ANKS1B: variants seen among roughly 807,000 people sequenced by gnomAD.
ANKS1B encodes the protein ankyrin repeat and sterile alpha motif domain containing 1B.
In ANKS1B, 36 loss-of-function variants were observed where a neutral mutation model predicts 148.3. The ratio of observed to expected loss-of-function variants is 0.24; its 90% confidence interval spans 0.19 to 0.32. The LOEUF (loss-of-function observed/expected upper bound fraction) is 0.32, where lower values mean the gene tolerates loss of function less well. Ranked by LOEUF, ANKS1B falls within the 10% of genes least tolerant of loss-of-function variation. The pLI, the probability that ANKS1B is intolerant of heterozygous loss-of-function variation, is 1.00. For synonymous variants in ANKS1B, 542 were observed against 560.8 expected (o/e 0.97, Z 0.47); for missense variants, 1,157 against 1,542.6 (o/e 0.75, Z 4.19).
chr12:99,318,702 C>T (rs879152637), intron 12 of ANKS1B, among the ~76,000 whole-genome samples: 3 of 151,172 alleles, frequency 2.0e-5, no homozygotes, highest in African/African-American at 4.9e-5. Context: ...TTATTTCTTG[C>T]CTTCTGCTAG....
At chr12:98,894,183 T>C (rs1426537765) in intron 17 of ANKS1B, among the ~76,000 whole-genome samples, 1 of 152,188 alleles carries the variant, frequency 6.6e-6, no homozygotes, top group Non-Finnish European at 1.5e-5. Flanking sequence ...CAGCTTCTAT[T>C]CTTCCTGCTA....
At chr12:99,716,069 G>A (rs1328217937) in intron 8 of ANKS1B, among the ~76,000 whole-genome samples, 2 of 152,016 alleles carry the variant, frequency 1.3e-5, no homozygotes, top group African/African-American at 4.8e-5. Flanking sequence ...CTTTTCTGGG[G>A]GAGGGGCAAA....
intron 9 of ANKS1B, among the ~76,000 whole-genome samples, chr12:99,547,536 G>C (rs2097182235): frequency 6.6e-6 from 1 of 152,068 alleles, no homozygotes; most frequent in South Asian, 2.1e-4. Flanking sequence ...TATTGTCTGG[G>C]AGCTGAATCC....
chr12:99,001,219 A>G (rs535581692), intron 17 of ANKS1B, among the ~76,000 whole-genome samples: 1 of 152,072 alleles, frequency 6.6e-6, no homozygotes, highest in South Asian at 2.1e-4. Flanking sequence ...TGCTGCCTCA[A>G]TCTCCTGGGC....
At chr12:99,188,188 C>A (rs1478222831) in intron 14 of ANKS1B, among the ~76,000 whole-genome samples, 1 of 152,178 alleles carries the variant, frequency 6.6e-6, no homozygotes, top group Admixed American at 6.5e-5. Flanking sequence ...CACCCAGATT[C>A]ATAAAGCAAG....
At position 99,433,375 on chromosome 12, in the gene ANKS1B, C is replaced by G. The variant is rs566599844; in HGVS notation, c.1575+10298G>C. On this transcript the variant is annotated intron_variant, in intron 11 of 26. Transcript: ENST00000683438. Reference sequence around the variant, plus strand: ...CTTACCATATAGCTTCTGGAAATCTCCATTTAGAACTCATGTACAAATAAA... The same window carrying G: ...CTTACCATATAGCTTCTGGAAATCTGCATTTAGAACTCATGTACAAATAAA... Among the ~76,000 whole-genome samples, 3 of 152,276 alleles carry G rather than the reference C, an allele frequency of 2.0e-5. No homozygotes were observed. The South Asian group carries it at 6.2e-4, about 32-fold the overall frequency.
intron 14 of ANKS1B, among the ~76,000 whole-genome samples, chr12:99,228,644 A>G (rs1284455608): frequency 6.6e-6 from 1 of 152,086 alleles, no homozygotes; most frequent in Non-Finnish European, 1.5e-5. Flanking sequence ...TTGAATGTGC[A>G]CATAGACGAA....
chr12:99,000,551 G>A (rs1401958078), intron 17 of ANKS1B, among the ~76,000 whole-genome samples: 1 of 152,052 alleles, frequency 6.6e-6, no homozygotes, highest in Non-Finnish European at 1.5e-5. Flanking sequence ...TTACAGGCAT[G>A]AGCCACCGTG....
At chr12:99,456,135 C>T (rs1171829224) in intron 10 of ANKS1B, among the ~76,000 whole-genome samples, 1 of 152,094 alleles carries the variant, frequency 6.6e-6, no homozygotes, top group Non-Finnish European at 1.5e-5. Context: ...CAGCCTGGAG[C>T]CCAGTAGCTC....
intron 12 of ANKS1B, among the ~76,000 whole-genome samples, chr12:99,286,308 G>A (rs1427872806): frequency 6.6e-6 from 1 of 151,928 alleles, no homozygotes; most frequent in East Asian, 1.9e-4. Flanking sequence ...TGAGCCAGAA[G>A]ATAACCTGCT....
intron 14 of ANKS1B, among the ~76,000 whole-genome samples, chr12:99,169,795 G>A (rs1159245727): frequency 6.6e-6 from 1 of 152,172 alleles, no homozygotes; most frequent in African/African-American, 2.4e-5. Context: ...ATAAGATACA[G>A]AGAAGTTATG....
At chr12:99,689,061 T>C (rs1224515228) in intron 8 of ANKS1B, among the ~76,000 whole-genome samples, 1 of 152,116 alleles carries the variant, frequency 6.6e-6, no homozygotes, top group Non-Finnish European at 1.5e-5. Context: ...GAAATTTTCT[T>C]CCCCCAATTC....
At chr12:98,842,601 T>C (rs2099413486) in intron 17 of ANKS1B, among the ~76,000 whole-genome samples, 2 of 152,186 alleles carry the variant, frequency 1.3e-5, no homozygotes, top group Admixed American at 1.3e-4. Context: ...GAAGTTGTTT[T>C]TGAAAAAAGA....
At chr12:99,457,577 G>A (rs2095867945) in intron 10 of ANKS1B, among the ~76,000 whole-genome samples, 1 of 151,998 alleles carries the variant, frequency 6.6e-6, no homozygotes, top group South Asian at 2.1e-4. Context: ...GTAAAGGGGT[G>A]AAAAAAGATA....
rs187185537 is a variant in ANKS1B, at chr12:99,672,531, A to C, written c.1129-17321T>G. Among the ~76,000 whole-genome samples the C allele has an allele frequency of 2.6e-4, 40 of 152,238 alleles. 1 individual carries two copies. In the East Asian group the frequency reaches 7.1e-3, roughly 27 times the overall value. On this transcript the variant is annotated intron_variant, in intron 8 of 26. Coordinates refer to ENST00000683438, the MANE Select transcript of ANKS1B (RefSeq NM_001352186.2). ...AAAACCTCTTCCTGTGGCAGCCTGC[A>C]GCTAATAACTGGTTGAAGAAGTGCA... is the stretch of plus-strand genomic sequence containing the variant.
intron 9 of ANKS1B, among the ~76,000 whole-genome samples, chr12:99,528,453 A>C (rs1298302402): frequency 1.3e-5 from 2 of 151,686 alleles, no homozygotes; most frequent in African/African-American, 2.4e-5. Context: ...ACAAAAAAAA[A>C]ACCATCAACA....
chr12:99,812,855 T>C (rs2068605520), intron 2 of ANKS1B, among the ~76,000 whole-genome samples: 1 of 151,602 alleles, frequency 6.6e-6, no homozygotes, highest in African/African-American at 2.4e-5. Flanking sequence ...ACATCATTCC[T>C]ACAGATAATT....
At chr12:99,197,406 C>G (rs2081518113) in intron 14 of ANKS1B, among the ~76,000 whole-genome samples, 1 of 152,124 alleles carries the variant, frequency 6.6e-6, no homozygotes, top group Non-Finnish European at 1.5e-5. Context: ...ACACTTGGAT[C>G]TTTTCTGAAT....
At chr12:98,980,143 T>A (rs1597957397) in intron 17 of ANKS1B, among the ~76,000 whole-genome samples, 1 of 152,202 alleles carries the variant, frequency 6.6e-6, no homozygotes, top group South Asian at 2.1e-4. Flanking sequence ...TTAAAAAATA[T>A]CCTCAATTTC....
Sources: gnomAD v4.1 joint callset for allele counts (sites outside exome capture counted in the v4.1 genomes callset) on GRCh38, gnomAD v4.1.1 for gene constraint, MANE v1.5 for transcripts, NCBI Gene and HGNC (gene_info 2026-07-23, HGNC 2026-07-21) for gene names.